TCF4: variants seen among roughly 807,000 people sequenced by gnomAD.
TCF4 encodes the protein SL3-3 enhancer factor 2.
In TCF4, 3 loss-of-function variants were observed where a neutral mutation model predicts 82.1. The ratio of observed to expected loss-of-function variants is 0.04; its 90% CI spans 0.02 to 0.09. The LOEUF is 0.09. Ranked by LOEUF, TCF4 falls within the 10% of genes least tolerant of loss-of-function variation. The probability of loss-of-function intolerance (pLI) is 1.00; values close to 1 mark genes in which losing one functional copy is unlikely to be tolerated. For missense variants in TCF4, 518 were observed against 852.7 expected (o/e 0.61, Z 4.89); for synonymous variants, 276 against 309.6 (o/e 0.89, Z 1.14).
intron 2 of TCF4, 168 bp downstream of exon 2, chr18:55,586,877 C>G (rs2097654621): frequency 1.7e-6 from 1 of 579,198 alleles, no homozygotes; most frequent in African/African-American, 1.9e-5. Flanking sequence ...CATCACACCA[C>G]AAAATTATAG....
At chr18:55,398,105 A>G (rs1036660705) in intron 6 of TCF4, among the ~76,000 whole-genome samples, 25 of 152,306 alleles carry the variant, frequency 1.6e-4, no homozygotes, top group African/African-American at 5.8e-4. Context: ...TTTTCTCCTG[A>G]GTATCTAACA....
At chr18:55,328,088 C>T (rs1440448462) in intron 8 of TCF4, among the ~76,000 whole-genome samples, 1 of 152,058 alleles carries the variant, frequency 6.6e-6, no homozygotes, top group Non-Finnish European at 1.5e-5. Context: ...AAGTGTAATA[C>T]CAAGTAGCAA....
At chr18:55,270,135 A>G (rs945036353) in intron 10 of TCF4, among the ~76,000 whole-genome samples, 172 bp from the exon 11 acceptor site, 5 of 152,192 alleles carry the variant, frequency 3.3e-5, no homozygotes, top group Non-Finnish European at 5.9e-5. Context: ...TTTTCAAATA[A>G]TAAGTTATAC....
At chr18:55,585,226 G>T in intron 3 of TCF4, 54 bp downstream of exon 3, 1 of 1,526,360 alleles carries the variant, frequency 6.6e-7, no homozygotes, top group Non-Finnish European at 9.1e-7. Context: ...ATACAATTGA[G>T]TAAATAAACA....
At chr18:55,329,518 T>C (rs920891737) in intron 8 of TCF4, among the ~76,000 whole-genome samples, 1 of 152,154 alleles carries the variant, frequency 6.6e-6, no homozygotes, top group African/African-American at 2.4e-5. Context: ...TAAATAACAG[T>C]GAAAGAAATT....
intron 2 of TCF4, among the ~76,000 whole-genome samples, chr18:55,621,907 CTATA>C (rs1270258325): frequency 3.3e-5 from 3 of 92,244 alleles, no homozygotes; most frequent in African/African-American, 8.9e-5. Flanking sequence ...TATATATACA[CTATA>C]TATTATATAT....
intron 3 of TCF4, among the ~76,000 whole-genome samples, chr18:55,515,791 G>C (rs891459626): frequency 6.6e-6 from 1 of 151,964 alleles, no homozygotes; most frequent in Admixed American, 6.6e-5. Context: ...GAAGAGAAAA[G>C]TTAGTCTCAA....
At chr18:55,386,889 T>C (rs1041170811) in intron 6 of TCF4, among the ~76,000 whole-genome samples, 1 of 152,084 alleles carries the variant, frequency 6.6e-6, no homozygotes, top group African/African-American at 2.4e-5. Flanking sequence ...TCCAGTTGAG[T>C]AGTAACAGCA....
intron 6 of TCF4, among the ~76,000 whole-genome samples, chr18:55,372,540 A>G (rs1341811012): frequency 6.6e-6 from 1 of 152,192 alleles, no homozygotes; most frequent in Non-Finnish European, 1.5e-5. Context: ...CTTGCCTTCA[A>G]AAAGGTGAGC....
At chr18:55,434,574 C>T (rs1430223084) in intron 5 of TCF4, among the ~76,000 whole-genome samples, 2 of 151,772 alleles carry the variant, frequency 1.3e-5, no homozygotes, top group East Asian at 1.9e-4. Flanking sequence ...CACCCGCCAC[C>T]ACGCCCGGCT....
At chr18:55,424,869 G>A (rs184109881) in intron 5 of TCF4, among the ~76,000 whole-genome samples, 134 of 152,292 alleles carry the variant, frequency 8.8e-4, no homozygotes, top group African/African-American at 3.1e-3. Context: ...CTGCTCATCC[G>A]AAGAGTGATT....
At chr18:55,347,942 A>G (rs2081533249) in intron 8 of TCF4, among the ~76,000 whole-genome samples, 1 of 152,164 alleles carries the variant, frequency 6.6e-6, no homozygotes, top group Admixed American at 6.5e-5. Context: ...TTATACAAAT[A>G]CTCATACATA....
In TCF4 at chr18:55,254,537, T is replaced by C. The variant is rs752756616; in HGVS notation, c.1310A>G (p.Tyr437Cys). 1.9e-6 allele frequency: 3 copies of C among 1,613,690 alleles called. No individual in the cohort carries two copies. The highest frequency in any genetic ancestry group is 2.7e-5 in the African/African-American group (2 of 74,908). The change falls in exon 15 of 20, where the codon TAT becomes TGT. Residue 437 changes from tyrosine (Y) to cysteine (C), a missense_variant. Around this residue, in one of 7 missense-constraint regions of TCF4, gnomAD observed 144 missense variants for 190.2 expected, o/e 0.76. Transcript: ENST00000354452. ...GTTGGCTGAAAGAAGGCCGGTTCCATACCCTGAGCCCAGACCACCCATGGC... is the reference window on the plus strand; with the variant it reads ...GTTGGCTGAAAGAAGGCCGGTTCCACACCCTGAGCCCAGACCACCCATGGC... Reference protein sequence around the residue: ...NGAMGGLGSGYGTGLLSANRH... With the variant: ...NGAMGGLGSGCGTGLLSANRH...
Position 55,223,602 on chromosome 18 carries a change from T to C in TCF4, c.*4433A>G, listed in dbSNP as rs2046156435. On this transcript the variant is annotated 3_prime_UTR_variant, in exon 20 of 20. Transcript: ENST00000354452. The stretch of plus-strand genomic sequence containing the variant: ...AGCACACAACCTGTTTGGACACTTC[T>C]ACAAATCAGAAATACACCAAAAACA... The C allele has an allele frequency of 1.3e-5, 2 of 152,158 alleles. No homozygotes were observed. The highest frequency in any genetic ancestry group is 1.5e-5 in the Non-Finnish European group (1 of 67,972). 9.4% of individuals were successfully genotyped at this position (152,158 alleles called of 1,614,324 possible).
At chr18:55,241,461 A>G (rs988120673) in intron 15 of TCF4, among the ~76,000 whole-genome samples, 1 of 152,230 alleles carries the variant, frequency 6.6e-6, no homozygotes, top group Non-Finnish European at 1.5e-5. Context: ...TCTAGCACAG[A>G]GAATATGGTG....
chr18:55,411,135 T>C (rs959027164), intron 5 of TCF4, among the ~76,000 whole-genome samples: 3 of 152,146 alleles, frequency 2.0e-5, no homozygotes, highest in African/African-American at 4.8e-5. Context: ...GGGAGGTGTG[T>C]CAAATAACTC....
At chr18:55,561,196 G>A (rs1372471736) in intron 3 of TCF4, among the ~76,000 whole-genome samples, 2 of 152,148 alleles carry the variant, frequency 1.3e-5, no homozygotes, top group African/African-American at 4.8e-5. Flanking sequence ...CTCTGTGCAG[G>A]TCTCTTGCCT....
chr18:55,333,453 A>G (rs561433714), intron 8 of TCF4, among the ~76,000 whole-genome samples: 10 of 152,204 alleles, frequency 6.6e-5, no homozygotes, highest in Non-Finnish European at 1.0e-4. Context: ...CCACCAGAAA[A>G]AAAAAACAAA....
intron 4 of TCF4, 57 bp from the exon 5 acceptor site, chr18:55,461,172 C>G: frequency 7.0e-7 from 1 of 1,421,572 alleles, no homozygotes; most frequent in Admixed American, 1.9e-5. Context: ...AGCACATAAA[C>G]AAACATAGCT....
Sources: allele counts gnomAD v4.1 joint callset (sites outside exome capture counted in the v4.1 genomes callset), GRCh38; gene constraint gnomAD v4.1.1; regional missense constraint gnomAD v4.1.1; transcripts MANE v1.5; gene names NCBI Gene and HGNC (gene_info 2026-07-23, HGNC 2026-07-21).